Variants in IGF1R observed in about 807,000 individuals in gnomAD.
The protein encoded by IGF1R is insulin like growth factor 1 receptor.
A neutral mutation model predicts 144.6 loss-of-function variants in IGF1R; 44 were observed. That is an observed-to-expected ratio of 0.30 (90% CI 0.24 to 0.39). IGF1R has a LOEUF of 0.39. Ranked by LOEUF, IGF1R falls within the 10% of genes least tolerant of loss-of-function variation. The pLI is 1.00. For missense variants in IGF1R, 1,355 were observed against 1,833.7 expected, an observed-to-expected ratio of 0.74 and a Z score of 4.77; for synonymous variants, 795 against 722.8, an observed-to-expected ratio of 1.10 and a Z score of -1.60.
At chr15:98,955,058 A>G (rs1367082015) in intron 20 of IGF1R, among the ~76,000 whole-genome samples, 1 of 152,108 alleles carries the variant, frequency 6.6e-6, no homozygotes, top group Non-Finnish European at 1.5e-5. Flanking sequence ...GAATTTTGTA[A>G]TCTTGGACAA....
chr15:98,690,421 C>T (rs2141230500), intron 1 of IGF1R, among the ~76,000 whole-genome samples: 1 of 152,310 alleles, frequency 6.6e-6, no homozygotes, highest in East Asian at 1.9e-4. Flanking sequence ...CCCTCCTCCT[C>T]TCCTCTGACT....
chr15:98,770,536 A>T lies in IGF1R; in HGVS notation c.640+62429A>T, dbSNP rs552345985. ...ATCCTAATTATTCTGATCATTATAC[A>T]TTGCATACATGTTTCAAAATATCAT... On this transcript the variant is annotated intron_variant, in intron 2 of 20. Transcript: ENST00000650285. 2.9e-4 allele frequency among the ~76,000 whole-genome samples: 44 copies of T among 152,372 alleles called. 1 individual carries two copies. In the South Asian group the frequency reaches 6.6e-3, roughly 23 times the overall value.
intron 2 of IGF1R, among the ~76,000 whole-genome samples, chr15:98,794,504 C>G (rs537326688): frequency 4.6e-5 from 7 of 152,292 alleles, no homozygotes; most frequent in Admixed American, 1.3e-4. Context: ...CATCATGATT[C>G]TCCAGGATGG....
chr15:98,716,855 G>A lies in IGF1R; in HGVS notation c.640+8748G>A, dbSNP rs1307538231. Among the ~76,000 whole-genome samples the A allele has an allele frequency of 3.3e-5, 5 of 152,244 alleles. No individual in the cohort carries two copies. In the East Asian group the frequency reaches 7.7e-4, roughly 24 times the overall value. ...TGCGGGGTCAGCTTGGCCGCTGTTA[G>A]GTTTTCAGGATGTCATGGGGCTGGC... On this transcript the variant is annotated intron_variant, in intron 2 of 20. Transcript: ENST00000650285.
In IGF1R at chr15:98,959,604, C is replaced by A. The variant is rs1427003731; in HGVS notation, c.*2162C>A. The A allele has an allele frequency of 4.3e-6, 1 of 233,464 alleles. No homozygotes were observed. The allele number at this position is 233,464 out of a possible 1,614,324, so 14.5% of individuals were successfully genotyped here. On this transcript the variant is annotated 3_prime_UTR_variant, in exon 21 of 21. Transcript: ENST00000650285. ...TGGTGCTGGCCCACTTTCCCTCGGC[C>A]AGGAATCCAGGTCCTTGGGGCCCAG...
In IGF1R at chr15:98,936,481, T is replaced by G. The variant is rs1003466701; in HGVS notation, c.3297+1055T>G. On this transcript the variant is annotated intron_variant, in intron 17 of 20. Transcript: ENST00000650285. ...CTGAGTTTTCATTTGGTTGCCTCCGTGGGTCTGAAGTCTTTGACCCTTACT... is the reference window on the plus strand; with the variant it reads ...CTGAGTTTTCATTTGGTTGCCTCCGGGGGTCTGAAGTCTTTGACCCTTACT... Among the ~76,000 whole-genome samples, 7 of 152,184 alleles carry G rather than the reference T, an allele frequency of 4.6e-5. No individual in the cohort carries two copies. In the East Asian group the frequency reaches 1.3e-3, roughly 29 times the overall value.
intron 2 of IGF1R, among the ~76,000 whole-genome samples, chr15:98,850,833 C>G (rs1657076074): frequency 6.6e-6 from 1 of 151,994 alleles, no homozygotes; most frequent in Non-Finnish European, 1.5e-5. Flanking sequence ...GAGTGTTGGA[C>G]AAGACGAGAA....
intron 2 of IGF1R, among the ~76,000 whole-genome samples, chr15:98,719,773 G>C (rs150287831): frequency 1.3e-5 from 2 of 152,316 alleles, no homozygotes; most frequent in Non-Finnish European, 2.9e-5. Context: ...GTGCTTTAGG[G>C]TGGGGGGACT....
At chr15:98,810,134 G>T (rs1357421183) in intron 2 of IGF1R, among the ~76,000 whole-genome samples, 8 of 149,552 alleles carry the variant, frequency 5.3e-5, no homozygotes, top group African/African-American at 2.0e-4. Context: ...GAAAGGCATG[G>T]TGTGGGGGTG....
intron 2 of IGF1R, among the ~76,000 whole-genome samples, chr15:98,786,411 C>G (rs1209127283): frequency 6.6e-6 from 1 of 151,866 alleles, no homozygotes; most frequent in Non-Finnish European, 1.5e-5. Flanking sequence ...AAGAAAACAC[C>G]TCTAGATTTT....
At chr15:98,752,441 T>C (rs191126712) in intron 2 of IGF1R, among the ~76,000 whole-genome samples, 2 of 152,218 alleles carry the variant, frequency 1.3e-5, no homozygotes, top group African/African-American at 4.8e-5. Context: ...CCCAGCACTT[T>C]GGGAGGCCGA....
At chr15:98,900,889 A>C (rs1376750550) in intron 5 of IGF1R, 1 of 151,962 alleles carries the variant, frequency 6.6e-6, no homozygotes, top group Non-Finnish European at 1.5e-5. Flanking sequence ...GCAGAGCAGT[A>C]GCTGTCAAAT....
intron 2 of IGF1R, among the ~76,000 whole-genome samples, chr15:98,848,224 A>C (rs1694455237): frequency 6.6e-6 from 1 of 152,202 alleles, no homozygotes. Flanking sequence ...GATTATTCTT[A>C]AAGGGACATA....
intron 2 of IGF1R, among the ~76,000 whole-genome samples, chr15:98,721,742 CA>C (rs2054252097): frequency 1.3e-5 from 2 of 152,134 alleles, no homozygotes; most frequent in Non-Finnish European, 2.9e-5. Context: ...TTTGGATGAC[CA>C]AATTGGTCCC....
chr15:98,795,724 T>C (rs2056226517), intron 2 of IGF1R, among the ~76,000 whole-genome samples: 1 of 152,240 alleles, frequency 6.6e-6, no homozygotes, highest in Non-Finnish European at 1.5e-5. Context: ...TATGTGTTTC[T>C]TATAGAAAAT....
chr15:98,925,898 A>G lies in IGF1R; in HGVS notation c.2782+1214A>G, dbSNP rs139951700. Among the ~76,000 whole-genome samples, 1,095 of 151,534 alleles carry G rather than the reference A, an allele frequency of 7.2e-3. 16 individuals are homozygous for G. The highest frequency in any genetic ancestry group is 0.025 in the African/African-American group (1,045 of 41,370). On this transcript the variant is annotated intron_variant, in intron 13 of 20. Coordinates refer to ENST00000650285, the MANE Select transcript of IGF1R (RefSeq NM_000875.5). ...AGCCTGGGTGACAGAGCAGAACTCCATCTCAAGAAAAAAGGAAAAAAAACA... is the reference window on the plus strand; with the variant it reads ...AGCCTGGGTGACAGAGCAGAACTCCGTCTCAAGAAAAAAGGAAAAAAAACA...
intron 2 of IGF1R, among the ~76,000 whole-genome samples, chr15:98,884,938 GT>G (rs1168026880): frequency 2.6e-5 from 4 of 152,052 alleles, no homozygotes; most frequent in Non-Finnish European, 5.9e-5. Flanking sequence ...TTTCCTCCCA[GT>G]CTCCCCTCCC....
chr15:98,962,445 C>T lies in IGF1R; in HGVS notation c.*5003C>T, dbSNP rs2017263048. The stretch of plus-strand genomic sequence containing the variant: ...GCGAAAGACACTTTCTTTCTTCACT[C>T]TGAAGTAGCTGGTGGTACAAATGAG... On this transcript the variant is annotated 3_prime_UTR_variant, in exon 21 of 21. Coordinates refer to ENST00000650285, the MANE Select transcript of IGF1R (RefSeq NM_000875.5). The T allele has an allele frequency of 4.3e-6, 1 of 233,682 alleles. No individual in the cohort carries two copies. The highest frequency in any genetic ancestry group is 8.5e-6 in the Non-Finnish European group (1 of 118,102). 14.5% of individuals were successfully genotyped at this position (233,682 alleles called of 1,614,324 possible).
At chr15:98,854,946 C>G (rs1029040567) in intron 2 of IGF1R, among the ~76,000 whole-genome samples, 1 of 152,080 alleles carries the variant, frequency 6.6e-6, no homozygotes, top group African/African-American at 2.4e-5. Flanking sequence ...CCCCTGCCCC[C>G]CCCAACACAT....
Sources: allele counts gnomAD v4.1 joint callset (sites outside exome capture counted in the v4.1 genomes callset), GRCh38; gene constraint gnomAD v4.1.1; transcripts MANE v1.5; gene names NCBI Gene and HGNC (gene_info 2026-07-23, HGNC 2026-07-21).